UBE2D3: variants seen among roughly 807,000 people sequenced by gnomAD.
UBE2D3 encodes the protein ubiquitin-conjugating enzyme E2 D3.
UBE2D3 carries 2 observed loss-of-function variants against 22.8 expected under a neutral mutation model. The observed-to-expected ratio is 0.09, with a 90% confidence interval of 0.04 to 0.28. The LOEUF (loss-of-function observed/expected upper bound fraction) is 0.28. Ranked by LOEUF, UBE2D3 falls within the 10% of genes least tolerant of loss-of-function variation. The pLI, the probability that UBE2D3 is intolerant of heterozygous loss-of-function variation, is 1.00. For synonymous variants in UBE2D3, 56 were observed against 60.4 expected (o/e 0.93, Z 0.34); for missense variants, 27 against 182.5 (o/e 0.15, Z 4.91).
chr4:102,864,966 T>C (rs1378844897), intron 1 of UBE2D3, among the ~76,000 whole-genome samples: 11 of 152,196 alleles, frequency 7.2e-5, no homozygotes, highest in Non-Finnish European at 2.9e-5. Context: ...TGTCTGTATG[T>C]AAAATAATAA....
chr4:102,860,563 T>C (rs1337417204), intron 1 of UBE2D3, among the ~76,000 whole-genome samples: 1 of 151,976 alleles, frequency 6.6e-6, no homozygotes, highest in Non-Finnish European at 1.5e-5. Context: ...TCTGAAGGTC[T>C]CTCAGACCTT....
chr4:102,821,615 T>G (rs1729633306), intron 2 of UBE2D3, among the ~76,000 whole-genome samples: 1 of 152,168 alleles, frequency 6.6e-6, no homozygotes, highest in Admixed American at 6.5e-5. Flanking sequence ...GTATTTTTTT[T>G]TTTAAATTCT....
intron 1 of UBE2D3, among the ~76,000 whole-genome samples, chr4:102,842,984 C>G (rs1233761974): frequency 6.9e-6 from 1 of 144,802 alleles, no homozygotes; most frequent in African/African-American, 2.6e-5. Flanking sequence ...GTGGTGCATG[C>G]TTGTAATCCC....
At chr4:102,817,732 C>T (rs1186795939) in intron 2 of UBE2D3, among the ~76,000 whole-genome samples, 1 of 152,148 alleles carries the variant, frequency 6.6e-6, no homozygotes, top group African/African-American at 2.4e-5. Flanking sequence ...TAGTCTGTAT[C>T]TCATTATTCG....
chr4:102,840,524 A>T (rs1267805355), intron 1 of UBE2D3, among the ~76,000 whole-genome samples: 1 of 152,194 alleles, frequency 6.6e-6, no homozygotes, highest in African/African-American at 2.4e-5. Context: ...TGTTGATCTC[A>T]TGGAGGCAGA....
At chr4:102,807,723 A>C (rs559304216) in intron 4 of UBE2D3, among the ~76,000 whole-genome samples, 1 of 152,348 alleles carries the variant, frequency 6.6e-6, no homozygotes, top group Non-Finnish European at 1.5e-5. Context: ...AAATAACAGC[A>C]AATTAAGTAA....
intron 2 of UBE2D3, chr4:102,825,718 G>T (rs937157532): frequency 5.3e-6 from 3 of 562,582 alleles, no homozygotes; most frequent in African/African-American, 3.9e-5. Context: ...GCAAAAATAG[G>T]TACATTAGCT....
rs937644552 is a variant in UBE2D3 at position 102,826,863 on chromosome 4, G to A, written c.-128-227C>T. 1.2e-5 allele frequency: 13 copies of A among 1,110,180 alleles called. No homozygotes were observed. In the South Asian group the frequency reaches 2.8e-4, roughly 24 times the overall value. The allele number at this position is 1,110,180 out of a possible 1,614,324, so 68.8% of individuals were successfully genotyped here. A position where few individuals can be genotyped will look rare whatever the true frequency, so the allele number is the denominator to read the frequency against. On this transcript the variant is annotated intron_variant, in intron 1 of 7. Transcript: ENST00000453744. Reference sequence around the variant, plus strand: ...CCGGCCTCTAGAAAGGAAGAGACCCGGGTGGGAGAGGAAGAGGCGTAGGAG... The same window carrying A: ...CCGGCCTCTAGAAAGGAAGAGACCCAGGTGGGAGAGGAAGAGGCGTAGGAG...
At chr4:102,799,018 A>G (rs997724240) in intron 7 of UBE2D3, 2 of 1,549,044 alleles carry the variant, frequency 1.3e-6, no homozygotes, top group Non-Finnish European at 1.8e-6. Flanking sequence ...ATAACATATG[A>G]AAGTTATAAT....
chr4:102,864,245 A>C (rs1440312031), intron 1 of UBE2D3, among the ~76,000 whole-genome samples: 1 of 145,352 alleles, frequency 6.9e-6, no homozygotes, highest in Non-Finnish European at 1.5e-5. Context: ...CTACAGTCTT[A>C]ACTATAATGC....
intron 4 of UBE2D3, among the ~76,000 whole-genome samples, chr4:102,808,024 A>T (rs1727342109): frequency 6.6e-6 from 1 of 152,252 alleles, no homozygotes; most frequent in Non-Finnish European, 1.5e-5. Context: ...CTACCCTCTG[A>T]ATCAAAGATG....
At chr4:102,813,284 T>C (rs779030070) in intron 2 of UBE2D3, among the ~76,000 whole-genome samples, 2 of 152,200 alleles carry the variant, frequency 1.3e-5, no homozygotes, top group Non-Finnish European at 2.9e-5. Flanking sequence ...ACTCCTGGGC[T>C]CAAGGGATCC....
chr4:102,837,605 T>C (rs542043714), intron 1 of UBE2D3, among the ~76,000 whole-genome samples: 2 of 152,070 alleles, frequency 1.3e-5, no homozygotes, highest in East Asian at 1.9e-4. Flanking sequence ...GGAGGATCGC[T>C]TGGGCCCAGG....
chr4:102,824,367 C>T (rs1730121347), intron 2 of UBE2D3, among the ~76,000 whole-genome samples: 1 of 152,136 alleles, frequency 6.6e-6, no homozygotes, highest in Admixed American at 6.5e-5. Context: ...GTGCCAAGAG[C>T]CTGTTCAAAT....
chr4:102,801,340 T>C (rs1039463208), intron 6 of UBE2D3, 114 bp downstream of exon 6: 11 of 806,292 alleles, frequency 1.4e-5, no homozygotes, highest in Non-Finnish European at 2.1e-5. Flanking sequence ...GTAACTTTAT[T>C]GCTTCCCCAT....
chr4:102,840,002 A>G (rs926763048), intron 1 of UBE2D3, among the ~76,000 whole-genome samples: 5 of 152,254 alleles, frequency 3.3e-5, no homozygotes, highest in African/African-American at 1.2e-4. Flanking sequence ...GAAGACACAA[A>G]TGCCCAATAA....
intron 1 of UBE2D3, among the ~76,000 whole-genome samples, chr4:102,833,725 A>G (rs1164093175): frequency 3.9e-5 from 6 of 152,232 alleles, no homozygotes. Flanking sequence ...GGCTTTAAAG[A>G]TGTTAGAAGC....
chr4:102,809,438 G>C (rs984933382), intron 4 of UBE2D3: 5 of 512,722 alleles, frequency 9.8e-6, no homozygotes, highest in African/African-American at 3.9e-5. Context: ...AGAGATGTTT[G>C]GTAGGTCATA....
chr4:102,814,875 T>C (rs1391866954), intron 2 of UBE2D3, among the ~76,000 whole-genome samples: 1 of 152,162 alleles, frequency 6.6e-6, no homozygotes, highest in Non-Finnish European at 1.5e-5. Context: ...TGCTCAGTTG[T>C]CTAAAAATGT....
Sources: gnomAD v4.1 joint callset for allele counts (sites outside exome capture counted in the v4.1 genomes callset) on GRCh38, gnomAD v4.1.1 for gene constraint, MANE v1.5 for transcripts, NCBI Gene and HGNC (gene_info 2026-07-23, HGNC 2026-07-21) for gene names.